Variants in PACRG observed in about 807,000 individuals in gnomAD.
PACRG encodes the protein parkin coregulated, also known as parkin coregulated gene protein.
Under a neutral mutation model 29.7 loss-of-function variants are expected in PACRG, and 29 were observed. That is an observed-to-expected ratio of 0.98 (90% confidence interval 0.73 to 1.33). PACRG has a LOEUF of 1.33. Ranked by LOEUF, PACRG falls within the 40% of genes most tolerant of loss-of-function variation. The pLI is 0.00. For missense variants in PACRG, 279 were observed against 316.2 expected (o/e 0.88, Z 0.89); for synonymous variants, 116 against 118.7 (o/e 0.98, Z 0.15).
At chr6:163,048,875 T>C (rs1809689438) in intron 2 of PACRG, among the ~76,000 whole-genome samples, 1 of 152,166 alleles carries the variant, frequency 6.6e-6, no homozygotes, top group Admixed American at 6.5e-5. Flanking sequence ...CATAGATACT[T>C]TGGAATTTCT....
intron 2 of PACRG, among the ~76,000 whole-genome samples, chr6:162,958,892 G>T (rs1293988156): frequency 0.019 from 433 of 22,444 alleles, no homozygotes; most frequent in Admixed American, 0.032. Context: ...TATAGAGAGA[G>T]AGAGAGAGAG....
At chr6:162,755,076 C>T (rs1781799961) in intron 1 of PACRG, among the ~76,000 whole-genome samples, 1 of 152,098 alleles carries the variant, frequency 6.6e-6, no homozygotes, top group African/African-American at 2.4e-5. Context: ...AGTGTGTTGG[C>T]ATATAATTTT....
At chr6:162,856,333 A>G (rs1791393532) in intron 2 of PACRG, among the ~76,000 whole-genome samples, 1 of 152,162 alleles carries the variant, frequency 6.6e-6, no homozygotes, top group Admixed American at 6.5e-5. Context: ...TGCTGGGATT[A>G]TAGGCATGAG....
chr6:162,811,531 C>G (rs1200662165), intron 1 of PACRG, among the ~76,000 whole-genome samples: 2 of 151,916 alleles, frequency 1.3e-5, no homozygotes, highest in Admixed American at 6.6e-5. Flanking sequence ...ATAAAAATCA[C>G]AGAAGCATAT....
rs568065315 is a variant in PACRG at position 162,968,806 on chromosome 6, T to C, written c.292-93344T>C. Among the ~76,000 whole-genome samples the C allele has an allele frequency of 2.0e-5, 3 of 152,140 alleles. No individual in the cohort carries two copies. The East Asian group carries it at 5.8e-4, about 30-fold the overall frequency. Reference sequence around the variant, plus strand: ...GGTCACGCCTGTAATCCCAGCACTTTGGGAGGCTGAGGTGGGTGGATCACA... The same window carrying C: ...GGTCACGCCTGTAATCCCAGCACTTCGGGAGGCTGAGGTGGGTGGATCACA... On this transcript the variant is annotated intron_variant, in intron 2 of 4. Coordinates refer to ENST00000366888, the MANE Select transcript of PACRG (RefSeq NM_001080379.2).
rs71008119 is a variant in PACRG, at chr6:162,933,601, C to CTTTT, written c.291+119340_291+119343dup. On this transcript the variant is annotated intron_variant, in intron 2 of 4. Coordinates refer to ENST00000366888, the MANE Select transcript of PACRG (RefSeq NM_001080379.2). ...ATCAGTATATAATGACTTTCTGTAT[C>CTTTT]TTTTTTTTTTTTTTTTTTTTTTTAC... Among the ~76,000 whole-genome samples the CTTTT allele has an allele frequency of 9.3e-3, 692 of 74,016 alleles. 4 individuals are homozygous for CTTTT. The highest frequency in any genetic ancestry group is 0.024 in the Middle Eastern group (2 of 82). 48.6% of individuals were successfully genotyped at this position (74,016 alleles called of 152,430 possible).
At chr6:162,727,752 C>G, upstream of PACRG, 2 of 1,432,482 alleles carry the variant, frequency 1.4e-6, no homozygotes, top group Non-Finnish European at 1.9e-6. Context: ...CAGCGGCTCT[C>G]CTGGGTTAAA....
intron 4 of PACRG, among the ~76,000 whole-genome samples, chr6:163,216,072 T>G (rs1474492463): frequency 6.6e-6 from 1 of 152,206 alleles, no homozygotes; most frequent in Non-Finnish European, 1.5e-5. Context: ...AGAGATCATT[T>G]TTCAATTGAA....
At chr6:162,885,482 G>A (rs1380696308) in intron 2 of PACRG, among the ~76,000 whole-genome samples, 1 of 151,070 alleles carries the variant, frequency 6.6e-6, no homozygotes, top group Non-Finnish European at 1.5e-5. Flanking sequence ...TGTTGGCCAT[G>A]TTGATCTCGA....
chr6:162,930,412 A>G (rs754021590), intron 2 of PACRG, among the ~76,000 whole-genome samples: 44 of 152,006 alleles, frequency 2.9e-4, no homozygotes, highest in Non-Finnish European at 3.7e-4. Context: ...TGACATATAT[A>G]ATTATGACTG....
intron 1 of PACRG, among the ~76,000 whole-genome samples, chr6:162,739,393 A>T (rs1055930888): frequency 6.6e-6 from 1 of 152,170 alleles, no homozygotes; most frequent in Admixed American, 6.5e-5. Flanking sequence ...CATACTCTAG[A>T]TATGGATATG....
intron 2 of PACRG, among the ~76,000 whole-genome samples, chr6:162,993,198 T>C (rs1456033882): frequency 3.3e-5 from 5 of 151,826 alleles, no homozygotes; most frequent in African/African-American, 1.2e-4. Context: ...GGTGTGGTGC[T>C]GAAAAGAATG....
At chr6:162,756,541 G>A (rs1002627425) in intron 1 of PACRG, among the ~76,000 whole-genome samples, 3 of 152,100 alleles carry the variant, frequency 2.0e-5, no homozygotes, top group African/African-American at 7.2e-5. Flanking sequence ...GTCATGACTA[G>A]TGAAGTGACC....
intron 4 of PACRG, among the ~76,000 whole-genome samples, chr6:163,294,169 A>G (rs936162504): frequency 6.6e-6 from 1 of 152,190 alleles, no homozygotes; most frequent in Non-Finnish European, 1.5e-5. Context: ...GTATTAAAAT[A>G]TTTTTCATAA....
At chr6:162,921,066 A>G (rs1451094201) in intron 2 of PACRG, among the ~76,000 whole-genome samples, 3 of 152,372 alleles carry the variant, frequency 2.0e-5, no homozygotes, top group Non-Finnish European at 2.9e-5. Context: ...ACAAACTGCA[A>G]TAATTAGCTG....
chr6:162,735,810 A>G (rs1048480677), intron 1 of PACRG, among the ~76,000 whole-genome samples: 1 of 152,210 alleles, frequency 6.6e-6, no homozygotes, highest in African/African-American at 2.4e-5. Flanking sequence ...TGTTTCCTCA[A>G]CCAGTTTCAA....
intron 1 of PACRG, among the ~76,000 whole-genome samples, chr6:162,760,016 A>G (rs1375418846): frequency 2.6e-5 from 4 of 152,180 alleles, no homozygotes; most frequent in African/African-American, 9.6e-5. Flanking sequence ...TTGAGCCTCA[A>G]CTTGATCCCA....
chr6:163,124,169 G>A, intron 4 of PACRG, among the ~76,000 whole-genome samples: 1 of 152,162 alleles, frequency 6.6e-6, no homozygotes, highest in East Asian at 1.9e-4. Flanking sequence ...AGTTGTAGGA[G>A]CTCTTTGTAT....
chr6:162,801,424 A>T (rs1785859234), intron 1 of PACRG, among the ~76,000 whole-genome samples: 1 of 152,130 alleles, frequency 6.6e-6, no homozygotes, highest in Non-Finnish European at 1.5e-5. Flanking sequence ...TCTACATATT[A>T]CTATCTTATA....
Sources: gnomAD v4.1 joint callset for allele counts (sites outside exome capture counted in the v4.1 genomes callset) on GRCh38, gnomAD v4.1.1 for gene constraint, MANE v1.5 for transcripts, NCBI Gene and HGNC (gene_info 2026-07-23, HGNC 2026-07-21) for gene names.